DENND1A: variants seen among roughly 807,000 people sequenced by gnomAD.
DENND1A encodes the protein DENN domain containing 1A.
Under a neutral mutation model 113.7 loss-of-function variants are expected in DENND1A, and 51 were observed. The ratio of observed to expected loss-of-function variants is 0.45; its 90% CI spans 0.36 to 0.57. The LOEUF (loss-of-function observed/expected upper bound fraction) is 0.57, where lower values mean the gene tolerates loss of function less well. Among genes scored for constraint, DENND1A ranks in the 20% least tolerant of loss-of-function variants. The probability of loss-of-function intolerance (pLI) is 0.00; values close to 1 mark genes in which losing one functional copy is unlikely to be tolerated. For missense variants in DENND1A, 1,258 were observed against 1,395.9 expected (o/e 0.90, Z 1.57); for synonymous variants, 565 against 570.8 (o/e 0.99, Z 0.14).
chr9:123,918,412 CG>C (rs1444114930), intron 1 of DENND1A, among the ~76,000 whole-genome samples: 1 of 151,514 alleles, frequency 6.6e-6, no homozygotes, highest in East Asian at 1.9e-4. Context: ...GGCGTGAACC[CG>C]GGAGGCGGAG....
chr9:123,550,043 C>T (rs894708176), intron 13 of DENND1A, among the ~76,000 whole-genome samples: 4 of 152,242 alleles, frequency 2.6e-5, no homozygotes, highest in Non-Finnish European at 5.9e-5. Flanking sequence ...AACACAACCT[C>T]GTGCATTCAT....
intron 13 of DENND1A, among the ~76,000 whole-genome samples, chr9:123,464,938 C>T (rs1406313292): frequency 7.6e-6 from 1 of 131,600 alleles, no homozygotes; most frequent in East Asian, 2.2e-4. Flanking sequence ...TGTCTGAGGT[C>T]AGGAGTTTGA....
chr9:123,826,536 C>A (rs1394133029), intron 2 of DENND1A, among the ~76,000 whole-genome samples: 1 of 152,202 alleles, frequency 6.6e-6, no homozygotes, highest in East Asian at 1.9e-4. Flanking sequence ...CTCCACCTTA[C>A]TTCCAGAATA....
At chr9:123,807,233 T>C (rs1355640632) in intron 2 of DENND1A, among the ~76,000 whole-genome samples, 19 of 152,230 alleles carry the variant, frequency 1.2e-4, no homozygotes, top group Admixed American at 1.2e-3. Context: ...TTCTGAATTT[T>C]CTATATTTTT....
At chr9:123,387,571 T>G (rs1049047831) in intron 22 of DENND1A, among the ~76,000 whole-genome samples, 159 bp downstream of exon 22, 8 of 152,106 alleles carry the variant, frequency 5.3e-5, no homozygotes, top group Non-Finnish European at 1.2e-4. Flanking sequence ...GCAGAGGTGG[T>G]GTCCACCCTG....
At chr9:123,768,749 A>G (rs2051125) in intron 4 of DENND1A, among the ~76,000 whole-genome samples, 21,574 of 151,104 alleles carry the variant, frequency 0.14, 1,800 homozygotes, top group African/African-American at 0.22. Flanking sequence ...TTTTGAAAAT[A>G]AAATAATTGT....
chr9:123,413,041 G>A (rs1034568145), intron 19 of DENND1A, among the ~76,000 whole-genome samples: 2 of 152,284 alleles, frequency 1.3e-5, no homozygotes, highest in Middle Eastern at 3.4e-3. Context: ...AAAATTAGCC[G>A]GGCATGATGG....
intron 11 of DENND1A, among the ~76,000 whole-genome samples, chr9:123,592,424 G>A (rs1189183542): frequency 6.6e-6 from 1 of 152,102 alleles, no homozygotes; most frequent in Admixed American, 6.6e-5. Flanking sequence ...GCTACCTTGG[G>A]CAAATTATTT....
chr9:123,419,327 C>T (rs988076127), intron 19 of DENND1A, among the ~76,000 whole-genome samples: 2 of 152,236 alleles, frequency 1.3e-5, no homozygotes, highest in African/African-American at 2.4e-5. Flanking sequence ...TCTGAATTGT[C>T]CCTTCCCTGC....
chr9:123,676,685 T>G, intron 6 of DENND1A, 35 bp downstream of exon 6: 1 of 1,586,864 alleles, frequency 6.3e-7, no homozygotes, highest in African/African-American at 1.4e-5. Flanking sequence ...TTAAAGCTTA[T>G]TTGTTTAAAA....
At chr9:123,710,426 A>G (rs60775187) in intron 5 of DENND1A, among the ~76,000 whole-genome samples, 28,096 of 152,104 alleles carry the variant, frequency 0.18, 2,791 homozygotes, top group African/African-American at 0.27. Flanking sequence ...TCTGAAGGCT[A>G]AGTTCAACAA....
At chr9:123,856,486 G>A (rs553483573) in intron 2 of DENND1A, among the ~76,000 whole-genome samples, 6 of 152,262 alleles carry the variant, frequency 3.9e-5, no homozygotes, top group Admixed American at 3.3e-4. Flanking sequence ...CAGTGTCAAC[G>A]CAGTTTGAGA....
intron 5 of DENND1A, among the ~76,000 whole-genome samples, chr9:123,736,010 A>G (rs550384937): frequency 5.8e-4 from 88 of 152,290 alleles, no homozygotes; most frequent in Non-Finnish European, 1.1e-3. Context: ...GTCTCCAAAA[A>G]AAGAAAAAAG....
intron 13 of DENND1A, among the ~76,000 whole-genome samples, chr9:123,510,572 G>A (rs1296492996): frequency 1.3e-5 from 2 of 152,232 alleles, no homozygotes; most frequent in Admixed American, 1.3e-4. Context: ...AAAGTGACCT[G>A]TATGGGGGCA....
chr9:123,738,443 C>CTGTGTGTGTGTGTGTGTGTGTG (rs59851560), intron 5 of DENND1A, among the ~76,000 whole-genome samples: 1 of 143,328 alleles, frequency 7.0e-6, no homozygotes, highest in African/African-American at 2.6e-5. Context: ...TCAACAGCTT[C>CTGTGTGTGTGTGTGTGTGTGTG]TGTGTGTGTG....
chr9:123,920,979 AGTGCTTT>A (rs1856140528), intron 1 of DENND1A, among the ~76,000 whole-genome samples: 1 of 152,204 alleles, frequency 6.6e-6, no homozygotes, highest in African/African-American at 2.4e-5. Context: ...CAAGAGCAAT[AGTGCTTT>A]GTATATATCA....
chr9:123,894,005 C>T (rs569130127), intron 1 of DENND1A, among the ~76,000 whole-genome samples: 4 of 152,270 alleles, frequency 2.6e-5, no homozygotes, highest in African/African-American at 9.6e-5. Context: ...CTCTCCACAC[C>T]GTCACAAAAC....
chr9:123,816,280 G>T (rs1837471783), intron 2 of DENND1A, among the ~76,000 whole-genome samples: 1 of 152,106 alleles, frequency 6.6e-6, no homozygotes, highest in Admixed American at 6.5e-5. Flanking sequence ...GGGGTTATAG[G>T]TATGAGCCAC....
At chr9:123,465,530 C>G (rs1054788149) in intron 13 of DENND1A, among the ~76,000 whole-genome samples, 3 of 152,104 alleles carry the variant, frequency 2.0e-5, no homozygotes, top group African/African-American at 7.2e-5. Flanking sequence ...CAACCTACCT[C>G]ACAGGGTTGC....
Sources: gnomAD v4.1 joint callset for allele counts (sites outside exome capture counted in the v4.1 genomes callset) on GRCh38, gnomAD v4.1.1 for gene constraint, MANE v1.5 for transcripts, NCBI Gene and HGNC (gene_info 2026-07-23, HGNC 2026-07-21) for gene names.